The following PCSK5 variants were observed in gnomAD, a reference collection of about 807,000 sequenced individuals.
PCSK5 encodes prohormone convertase 5.
A neutral mutation model predicts 233.2 loss-of-function variants in PCSK5; 129 were observed. The ratio of observed to expected loss-of-function variants is 0.55; its 90% CI spans 0.48 to 0.64. The LOEUF (loss-of-function observed/expected upper bound fraction) is 0.64, where lower values mean the gene tolerates loss of function less well. PCSK5 is among the 30% of genes least tolerant of loss of function. The pLI is 0.00. For missense variants in PCSK5, 2,076 were observed against 2,430.1 expected (o/e 0.85, Z 3.06); for synonymous variants, 825 against 879.2 (o/e 0.94, Z 1.09).
chr9:75,978,317 C>T (rs1022201121), intron 2 of PCSK5, among the ~76,000 whole-genome samples: 3 of 152,136 alleles, frequency 2.0e-5, no homozygotes, highest in African/African-American at 7.2e-5. Flanking sequence ...CCAAGCCAGC[C>T]GTGGAAACAT....
intron 13 of PCSK5, among the ~76,000 whole-genome samples, chr9:76,172,863 G>A (rs1823386844): frequency 6.6e-6 from 1 of 152,138 alleles, no homozygotes; most frequent in African/African-American, 2.4e-5. Flanking sequence ...TAACAAATGA[G>A]TCCAAAGAAA....
chr9:76,241,026 A>T (rs996213168), intron 24 of PCSK5, among the ~76,000 whole-genome samples: 2 of 152,208 alleles, frequency 1.3e-5, no homozygotes, highest in African/African-American at 4.8e-5. Context: ...TCTCAAGGTG[A>T]CACATTTGGA....
intron 2 of PCSK5, among the ~76,000 whole-genome samples, chr9:75,956,681 A>G (rs2131335444): frequency 6.6e-6 from 1 of 152,272 alleles, no homozygotes; most frequent in South Asian, 2.1e-4. Flanking sequence ...TGCTGGCTAA[A>G]AGGCACTACT....
intron 1 of PCSK5, among the ~76,000 whole-genome samples, chr9:75,896,677 T>C (rs1825819186): frequency 6.6e-6 from 1 of 152,186 alleles, no homozygotes; most frequent in Non-Finnish European, 1.5e-5. Flanking sequence ...AATAAATGCT[T>C]ATAGACATTA....
intron 2 of PCSK5, among the ~76,000 whole-genome samples, chr9:75,961,351 T>G (rs1825345476): frequency 6.6e-6 from 1 of 152,232 alleles, no homozygotes; most frequent in Non-Finnish European, 1.5e-5. Context: ...GTAATTTCCT[T>G]ACACTTAATT....
intron 7 of PCSK5, among the ~76,000 whole-genome samples, chr9:76,076,848 C>T (rs1220328268): frequency 6.6e-6 from 1 of 151,996 alleles, no homozygotes; most frequent in Non-Finnish European, 1.5e-5. Context: ...TTCTAAGGAG[C>T]TATAAAATTA....
chr9:76,238,870 C>CT (rs1421007968), intron 22 of PCSK5, 89 bp from the exon 23 acceptor site: 1 of 1,006,692 alleles, frequency 9.9e-7, no homozygotes, highest in African/African-American at 1.6e-5. Context: ...TCAGTCGCAT[C>CT]TTTTTAAAAT....
intron 3 of PCSK5, among the ~76,000 whole-genome samples, chr9:76,016,039 C>A (rs1827934593): frequency 6.6e-6 from 1 of 152,220 alleles, no homozygotes; most frequent in Non-Finnish European, 1.5e-5. Context: ...GGCTAGTCAG[C>A]TTGTATTAGG....
chr9:76,357,215 T>C (rs1015587258), intron 37 of PCSK5, among the ~76,000 whole-genome samples: 1 of 152,186 alleles, frequency 6.6e-6, no homozygotes, highest in African/African-American at 2.4e-5. Flanking sequence ...TGACAGGGGT[T>C]GGAACTCCGG....
rs752232542 is a variant in PCSK5, at chr9:76,159,003, C to G, written c.1451C>G (p.Ala484Gly). The stretch of plus-strand genomic sequence containing the variant: ...TACAGGACAATCCGCCCTAACAGTG[C>G]AGTGCGCTCCATCTACAAAGCTTCA... ...RQIKTIRPNS[A>G]VRSIYKASGC... Residue 484 changes from alanine (A) to glycine (G), a missense_variant, in exon 12 of 38, where the codon GCA (alanine) becomes GGA (glycine). Ala to Gly is a moderately conservative substitution (Grantham distance 60, BLOSUM62 0). Around this residue, in one of 6 missense-constraint regions of PCSK5, gnomAD observed 64 missense variants for 68.6 expected, o/e 0.93. Coordinates refer to ENST00000674117, the MANE Select transcript of PCSK5 (RefSeq NM_001372043.1). 6.2e-7 allele frequency: 1 copy of G among 1,614,022 alleles called. No individual in the cohort carries two copies.
At chr9:76,263,899 T>G (rs576750551) in intron 24 of PCSK5, among the ~76,000 whole-genome samples, 1 of 152,170 alleles carries the variant, frequency 6.6e-6, no homozygotes, top group East Asian at 1.9e-4. Flanking sequence ...AGCTATGAGA[T>G]TCAATGCTAT....
chr9:76,172,276 C>T (rs966165793), intron 13 of PCSK5, among the ~76,000 whole-genome samples: 1 of 148,208 alleles, frequency 6.7e-6, no homozygotes, highest in African/African-American at 2.4e-5. Context: ...ATGGATTTTT[C>T]TCCTTCTGTA....
chr9:76,184,618 C>T (rs1304141954), intron 16 of PCSK5, 55 bp from the exon 17 acceptor site: 2 of 1,165,686 alleles, frequency 1.7e-6, no homozygotes, highest in Non-Finnish European at 2.6e-6. Flanking sequence ...ATCTCTGATG[C>T]TTTTATGGAA....
intron 9 of PCSK5, among the ~76,000 whole-genome samples, chr9:76,112,756 C>G (rs975225688): frequency 2.6e-5 from 4 of 151,890 alleles, no homozygotes; most frequent in African/African-American, 9.7e-5. Context: ...ATTTTATATT[C>G]TCATTAGGGA....
At chr9:75,978,833 A>G (rs905541460) in intron 2 of PCSK5, among the ~76,000 whole-genome samples, 2 of 149,984 alleles carry the variant, frequency 1.3e-5, no homozygotes, top group African/African-American at 2.4e-5. Context: ...CTGATGGTGC[A>G]CTAAGTTGAA....
At chr9:76,058,133 G>A (rs1829890511) in intron 5 of PCSK5, among the ~76,000 whole-genome samples, 1 of 152,190 alleles carries the variant, frequency 6.6e-6, no homozygotes, top group Non-Finnish European at 1.5e-5. Flanking sequence ...TACAGATATT[G>A]CAACCATGCC....
In PCSK5 at chr9:76,302,180, G is replaced by A. The variant is rs1284190535; in HGVS notation, c.3567G>A (p.Leu1189=). ...TANLSVVKSL[L]QERRRWKVQI... ...ACCTATCTGTGGTGAAGAGCCTGCT[G>A]CAGGAGCGACGAAGGTGGAAAGTTC... is the stretch of plus-strand genomic sequence containing the variant. Residue 1189 remains leucine (L), a synonymous_variant, in exon 28 of 38, where the codon CTG becomes CTA. Transcript: ENST00000674117. 4.4e-6 allele frequency: 6 copies of A among 1,356,112 alleles called. No individual in the cohort carries two copies. The highest frequency in any genetic ancestry group is 5.9e-6 in the Non-Finnish European group (6 of 1,017,860). 84.0% of individuals were successfully genotyped at this position (1,356,112 alleles called of 1,614,324 possible).
At position 76,181,566 on chromosome 9, in the gene PCSK5, C is replaced by T. The variant is rs370293655; in HGVS notation, c.2172C>T (p.Cys724=). ...NEETNSCVTH[C]PDGSYQDTKK... The stretch of plus-strand genomic sequence containing the variant: ...AAACCAACAGCTGTGTTACTCACTG[C>T]CCTGATGGGTCATATCAGGATACCA... The change falls in exon 16 of 38, where the codon TGC becomes TGT. Residue 724 remains cysteine, a synonymous_variant. Transcript: ENST00000674117. The T allele has an allele frequency of 6.2e-6, 10 of 1,613,018 alleles. No individual in the cohort carries two copies. The highest frequency in any genetic ancestry group is 5.1e-6 in the Non-Finnish European group (6 of 1,179,260).
intron 2 of PCSK5, among the ~76,000 whole-genome samples, chr9:75,942,580 C>T (rs1436500382): frequency 6.6e-6 from 1 of 152,184 alleles, no homozygotes; most frequent in African/African-American, 2.4e-5. Context: ...GGAGCGAAGG[C>T]TGCCAGTGCA....
Sources: allele counts gnomAD v4.1 joint callset (sites outside exome capture counted in the v4.1 genomes callset), GRCh38; gene constraint gnomAD v4.1.1; regional missense constraint gnomAD v4.1.1; transcripts MANE v1.5; gene names NCBI Gene and HGNC (gene_info 2026-07-23, HGNC 2026-07-21).